PKHD1: variants seen among roughly 807,000 people sequenced by gnomAD.
PKHD1 encodes the protein PKHD1 ciliary IPT domain containing fibrocystin/polyductin.
Under a neutral mutation model 412.0 loss-of-function variants are expected in PKHD1, and 291 were observed. That is an observed-to-expected ratio of 0.71 (90% confidence interval 0.64 to 0.78). The LOEUF (loss-of-function observed/expected upper bound fraction) is 0.78. PKHD1 is among the 30% of genes least tolerant of loss of function. The pLI, the probability that PKHD1 is intolerant of heterozygous loss-of-function variation, is 0.00. For synonymous variants in PKHD1, 1,777 were observed against 1,821.5 expected (o/e 0.98, Z 0.62); for missense variants, 4,825 against 4,950.7 (o/e 0.97, Z 0.76).
At chr6:52,035,068 T>C (rs1048902035) in intron 28 of PKHD1, among the ~76,000 whole-genome samples, 7 of 152,030 alleles carry the variant, frequency 4.6e-5, no homozygotes, top group East Asian at 1.9e-4. Flanking sequence ...ATAGCACTAA[T>C]TGAAAGGAAA....
intron 36 of PKHD1, among the ~76,000 whole-genome samples, chr6:51,957,395 A>C (rs1348621705): frequency 6.6e-6 from 1 of 152,114 alleles, no homozygotes; most frequent in Non-Finnish European, 1.5e-5. Context: ...CTAGCTACAA[A>C]AGTGTTCAGG....
chr6:51,886,035 T>C (rs990292062), intron 44 of PKHD1, 63 bp from the exon 45 acceptor site: 2 of 988,376 alleles, frequency 2.0e-6, no homozygotes, highest in Non-Finnish European at 3.2e-6. Flanking sequence ...TACTTTTTCT[T>C]GTTGAAAAAT....
chr6:51,682,271 ATT>A (rs775789971), intron 60 of PKHD1: 1 of 452,288 alleles, frequency 2.2e-6, no homozygotes, highest in Non-Finnish European at 4.4e-6. Flanking sequence ...ACATAACACA[ATT>A]TTCTCTCTAA....
chr6:51,771,220 A>G (rs1790062691), intron 55 of PKHD1, among the ~76,000 whole-genome samples: 1 of 151,466 alleles, frequency 6.6e-6, no homozygotes, highest in Non-Finnish European at 1.5e-5. Context: ...ACACACACAC[A>G]CACATGCACA....
chr6:51,832,321 T>A (rs895921947), intron 51 of PKHD1, among the ~76,000 whole-genome samples: 2 of 151,982 alleles, frequency 1.3e-5, no homozygotes, highest in South Asian at 2.1e-4. Flanking sequence ...GAGGTTGTGA[T>A]GAGTGTATGA....
intron 3 of PKHD1, 98 bp downstream of exon 3, chr6:52,083,080 C>A: frequency 1.2e-6 from 1 of 864,258 alleles, no homozygotes; most frequent in Non-Finnish European, 2.0e-6. Flanking sequence ...CCCACTTTTA[C>A]ACCTGTCCTT....
intron 35 of PKHD1, among the ~76,000 whole-genome samples, chr6:51,972,159 T>C (rs1364327555): frequency 1.3e-5 from 2 of 152,212 alleles, no homozygotes; most frequent in Admixed American, 1.3e-4. Context: ...GATTTTCTTT[T>C]TTTTATTTCT....
chr6:52,029,442 A>T (rs74904415), intron 29 of PKHD1, among the ~76,000 whole-genome samples: 1,923 of 152,324 alleles, frequency 0.013, 19 homozygotes, highest in Non-Finnish European at 0.021. Context: ...CCTCAACGGT[A>T]GTAAAATAGG....
At chr6:51,750,588 CCA>C (rs1470807079) in intron 57 of PKHD1, among the ~76,000 whole-genome samples, 1 of 152,036 alleles carries the variant, frequency 6.6e-6, no homozygotes, top group East Asian at 1.9e-4. Context: ...CTAGGAAGCT[CCA>C]CATGTTCGGC....
At chr6:52,070,374 A>G in intron 10 of PKHD1, 32 bp downstream of exon 10, 1 of 1,381,488 alleles carries the variant, frequency 7.2e-7, no homozygotes, top group Admixed American at 1.7e-5. Flanking sequence ...AAATGAAGAC[A>G]AATTTGCCTA....
intron 63 of PKHD1, among the ~76,000 whole-genome samples, chr6:51,647,530 C>A (rs1261036716): frequency 2.0e-5 from 3 of 152,150 alleles, no homozygotes; most frequent in African/African-American, 7.2e-5. Flanking sequence ...GAAAAACTAG[C>A]TAAGGGCTGC....
At chr6:52,070,889 A>G (rs1810510769) in intron 9 of PKHD1, 117 bp downstream of exon 9, 3 of 731,054 alleles carry the variant, frequency 4.1e-6, no homozygotes, top group Middle Eastern at 2.5e-4. Context: ...TTCTTAACAA[A>G]TAGTAATTAT....
At position 51,983,054 on chromosome 6, in the gene PKHD1, G is replaced by A. The variant is rs187813862; in HGVS notation, c.5752-23028C>T. ...GGAAGGAAACACAGTGAAGTGTACC[G>A]TTAACAAAACCCAAAATCAAAAGGA... On this transcript the variant is annotated intron_variant, in intron 35 of 66. Transcript: ENST00000371117. Among the ~76,000 whole-genome samples the A allele has an allele frequency of 1.0e-3, 156 of 152,042 alleles. 1 individual carries two copies. The South Asian group carries it at 0.016, about 15-fold the overall frequency.
Position 52,035,609 on chromosome 6 carries a change from C to T in PKHD1, c.3210G>A (p.Gln1070=). 6.2e-7 allele frequency: 1 copy of T among 1,613,990 alleles called. No individual in the cohort carries two copies. The highest frequency in any genetic ancestry group is 8.5e-7 in the Non-Finnish European group (1 of 1,179,908). ...CACTTACCCTGGGTGGAACTTTGCA[C>T]TGAATTCTGCTTGAATTGCTTGTAG... ...NVATSNSSRI[Q]CKVPPRGKDG... is the part of the protein sequence containing the mutation. Residue 1070 remains glutamine, a synonymous_variant, in exon 28 of 67, where the codon CAG becomes CAA. Coordinates refer to ENST00000371117, the MANE Select transcript of PKHD1 (RefSeq NM_138694.4).
At position 51,816,100 on chromosome 6, in the gene PKHD1, T is replaced by G. The variant is rs78475677; in HGVS notation, c.8302+14761A>C. Among the ~76,000 whole-genome samples the G allele has an allele frequency of 3.9e-3, 597 of 152,316 alleles. 3 individuals are homozygous for G. Among genetic ancestry groups the G allele is most frequent in the African/African-American group, 0.011 (455 of 41,576 alleles). On this transcript the variant is annotated intron_variant, in intron 52 of 66. Transcript: ENST00000371117. ...TTTTAACCATATATTCCCAATATGA[T>G]TTACTTTCTCATAAATGTATTAATA...
At chr6:52,019,253 C>T (rs1187918285) in intron 33 of PKHD1, among the ~76,000 whole-genome samples, 1 of 152,212 alleles carries the variant, frequency 6.6e-6, no homozygotes, top group African/African-American at 2.4e-5. Context: ...TGGGCTTAGA[C>T]CTGTGCTTCC....
intron 60 of PKHD1, among the ~76,000 whole-genome samples, chr6:51,665,609 G>A (rs1035066215): frequency 6.6e-6 from 1 of 152,072 alleles, no homozygotes; most frequent in Non-Finnish European, 1.5e-5. Context: ...TATCTTTAAT[G>A]TTATTGGAAT....
intron 50 of PKHD1, among the ~76,000 whole-genome samples, chr6:51,843,118 G>T (rs1245582919): frequency 1.3e-5 from 2 of 152,224 alleles, no homozygotes; most frequent in Non-Finnish European, 2.9e-5. Context: ...CTGGGATGCC[G>T]AGAGGATCGT....
intron 60 of PKHD1, among the ~76,000 whole-genome samples, chr6:51,730,739 A>G (rs1783141186): frequency 6.6e-6 from 1 of 152,218 alleles, no homozygotes; most frequent in African/African-American, 2.4e-5. Flanking sequence ...TTTGGTATCT[A>G]TTGGCAAGGC....
Sources: allele counts gnomAD v4.1 joint callset (sites outside exome capture counted in the v4.1 genomes callset), GRCh38; gene constraint gnomAD v4.1.1; transcripts MANE v1.5; gene names NCBI Gene and HGNC (gene_info 2026-07-23, HGNC 2026-07-21).